CFAP61: variants seen among roughly 807,000 people sequenced by gnomAD.
The protein encoded by CFAP61 is cilia- and flagella-associated protein 61.
Under a neutral mutation model 135.6 loss-of-function variants are expected in CFAP61, and 107 were observed. That is an observed-to-expected ratio of 0.79 (90% CI 0.67 to 0.93). CFAP61 has a LOEUF of 0.93. Among genes scored for constraint, CFAP61 ranks in the 40% least tolerant of loss-of-function variants. The pLI is 0.00. For missense variants in CFAP61, 1,507 were observed against 1,556.2 expected (o/e 0.97, Z 0.53); for synonymous variants, 575 against 578.5 (o/e 0.99, Z 0.09).
At chr20:20,352,368 G>T (rs189399918) in intron 26 of CFAP61, among the ~76,000 whole-genome samples, 5 of 152,054 alleles carry the variant, frequency 3.3e-5, no homozygotes. Context: ...AGCATAGTTC[G>T]CCCCCATGAT....
At chr20:20,055,923 A>T in intron 1 of CFAP61, 1 of 1,556,434 alleles carries the variant, frequency 6.4e-7, no homozygotes, top group African/African-American at 1.4e-5. Context: ...AATGAGAGAG[A>T]AATTGAAATC....
At chr20:20,058,136 C>T (rs2044520379) in intron 2 of CFAP61, among the ~76,000 whole-genome samples, 1 of 152,130 alleles carries the variant, frequency 6.6e-6, no homozygotes, top group African/African-American at 2.4e-5. Context: ...CAGCCTAAGA[C>T]ATTAAAGTTT....
intron 22 of CFAP61, among the ~76,000 whole-genome samples, chr20:20,281,395 C>CT (rs2054188264): frequency 6.6e-6 from 1 of 152,050 alleles, no homozygotes; most frequent in Non-Finnish European, 1.5e-5. Context: ...TTCTTTGGTG[C>CT]TTTTTATCAG....
rs11475305 is a variant in CFAP61, at chr20:20,172,322, C to CT, written c.1385+2874dup. ...TGATTTTTTTGTTTTAATTAATAAA[C>CT]TTTTTTTTTTTTGAGACGGCATCTC... On this transcript the variant is annotated intron_variant, in intron 13 of 26. Transcript: ENST00000245957. 1.0e-3 allele frequency: 661 copies of CT among 640,420 alleles called. No homozygotes were observed. The East Asian group carries it at 0.015, about 15-fold the overall frequency. 39.7% of individuals were successfully genotyped at this position (640,420 alleles called of 1,614,324 possible).
At chr20:20,084,982 T>C (rs2046693589) in intron 6 of CFAP61, 2 of 344,182 alleles carry the variant, frequency 5.8e-6, no homozygotes, top group South Asian at 1.2e-4. Flanking sequence ...AAATAAAATA[T>C]TGTATAATTG....
At chr20:20,287,074 G>T (rs1327911) in intron 22 of CFAP61, among the ~76,000 whole-genome samples, 119,201 of 152,016 alleles carry the variant, frequency 0.78, 47,050 homozygotes, top group Middle Eastern at 0.87. Flanking sequence ...TTATAGAGAT[G>T]GGGAAAGAGA....
At chr20:20,256,136 A>G (rs1415080887) in intron 20 of CFAP61, among the ~76,000 whole-genome samples, 1 of 152,186 alleles carries the variant, frequency 6.6e-6, no homozygotes. Context: ...CAGTCCATCC[A>G]CCAGCTGAAA....
At chr20:20,228,461 C>A in intron 18 of CFAP61, 85 bp downstream of exon 18, 2 of 1,187,232 alleles carry the variant, frequency 1.7e-6, no homozygotes, top group Non-Finnish European at 2.4e-6. Flanking sequence ...CATCAGAGAA[C>A]AGACCTGAGA....
chr20:20,235,737 A>G (rs1176905836), intron 18 of CFAP61, among the ~76,000 whole-genome samples: 1 of 152,150 alleles, frequency 6.6e-6, no homozygotes, highest in East Asian at 1.9e-4. Flanking sequence ...GACATATCAA[A>G]CTGCCCCCCA....
intron 8 of CFAP61, among the ~76,000 whole-genome samples, chr20:20,125,360 A>G (rs1293779583): frequency 6.6e-6 from 1 of 151,722 alleles, no homozygotes; most frequent in Non-Finnish European, 1.5e-5. Context: ...GTTTAAGGCT[A>G]TGAACTTCCT....
chr20:20,058,972 T>C (rs2044579671), intron 2 of CFAP61, among the ~76,000 whole-genome samples: 1 of 152,118 alleles, frequency 6.6e-6, no homozygotes, highest in South Asian at 2.1e-4. Flanking sequence ...AGATATAAAA[T>C]TAAACAATGA....
chr20:20,233,409 C>T (rs1321338801), intron 18 of CFAP61, among the ~76,000 whole-genome samples: 2 of 152,182 alleles, frequency 1.3e-5, no homozygotes, highest in Non-Finnish European at 2.9e-5. Flanking sequence ...TGTGCAAAAA[C>T]GGCATGGGAG....
chr20:20,211,472 TAAGC>T (rs1456264532), intron 17 of CFAP61, among the ~76,000 whole-genome samples: 3 of 152,094 alleles, frequency 2.0e-5, no homozygotes, highest in African/African-American at 7.2e-5. Context: ...ACCAACTTAA[TAAGC>T]AAGAAGAAAA....
Position 20,284,870 on chromosome 20 carries a change from A to G in CFAP61, c.2797-3739A>G, listed in dbSNP as rs2054465308. On this transcript the variant is annotated intron_variant, in intron 22 of 26. Transcript: ENST00000245957. The stretch of plus-strand genomic sequence containing the variant: ...GAAGAATTAAAAAGAATAGTCTTTT[A>G]TAGATACTCAGATATTTACTAATTT... Among the ~76,000 whole-genome samples, 3 of 152,236 alleles carry G rather than the reference A, an allele frequency of 2.0e-5. No homozygotes were observed. The South Asian group carries it at 6.2e-4, about 31-fold the overall frequency.
intron 17 of CFAP61, among the ~76,000 whole-genome samples, chr20:20,208,271 G>C (rs965096395): frequency 2.0e-5 from 3 of 152,244 alleles, no homozygotes; most frequent in Non-Finnish European, 2.9e-5. Flanking sequence ...CCTGCACCCA[G>C]ATGGAAAGTG....
At chr20:20,246,484 G>A (rs539215616) in intron 19 of CFAP61, among the ~76,000 whole-genome samples, 1 of 152,328 alleles carries the variant, frequency 6.6e-6, no homozygotes, top group African/African-American at 2.4e-5. Context: ...GACCCAGCCA[G>A]CCCTGCCTTT....
At chr20:20,321,668 G>A (rs1322373512) in intron 25 of CFAP61, among the ~76,000 whole-genome samples, 1 of 152,174 alleles carries the variant, frequency 6.6e-6, no homozygotes, top group Non-Finnish European at 1.5e-5. Context: ...CAGCTCCCAT[G>A]TTTACGTTGC....
At chr20:20,082,551 A>G (rs574215895) in intron 6 of CFAP61, among the ~76,000 whole-genome samples, 1 of 152,346 alleles carries the variant, frequency 6.6e-6, no homozygotes, top group East Asian at 1.9e-4. Flanking sequence ...AACTACTGGC[A>G]TGCTCTTTTT....
In CFAP61 at chr20:20,070,794, A is replaced by G. The variant is rs2045650154; in HGVS notation, c.144-60A>G. 33 of 1,519,370 alleles carry G rather than the reference A, an allele frequency of 2.2e-5. No individual in the cohort carries two copies. In the South Asian group the frequency reaches 3.7e-4, roughly 17 times the overall value. The allele number at this position is 1,519,370 out of a possible 1,614,324, so 94.1% of individuals were successfully genotyped here. The stretch of plus-strand genomic sequence containing the variant: ...CAGTAGCCAGAGGGAAAAAAATGGC[A>G]TGTCCTCACCTCACTTTTTGTAATC... On this transcript the variant is annotated intron_variant, in intron 2 of 26. Transcript: ENST00000245957.
Sources: gnomAD v4.1 joint callset for allele counts (sites outside exome capture counted in the v4.1 genomes callset) on GRCh38, gnomAD v4.1.1 for gene constraint, MANE v1.5 for transcripts, NCBI Gene and HGNC (gene_info 2026-07-23, HGNC 2026-07-21) for gene names.